Variants in ASPH observed in about 807,000 individuals in gnomAD.
ASPH encodes aspartate beta-hydroxylase, also known as aspartyl/asparaginyl beta-hydroxylase.
A neutral mutation model predicts 118.4 loss-of-function variants in ASPH; 100 were observed. The ratio of observed to expected loss-of-function variants is 0.84; its 90% CI spans 0.72 to 1.00. The LOEUF (loss-of-function observed/expected upper bound fraction) is 1.00, where lower values mean the gene tolerates loss of function less well. Ranked by LOEUF, ASPH falls within the 50% of genes least tolerant of loss-of-function variation. The probability of loss-of-function intolerance (pLI) is 0.00; values close to 1 mark genes in which losing one functional copy is unlikely to be tolerated. For missense variants in ASPH, 920 were observed against 919.5 expected (o/e 1.00, Z -0.01); for synonymous variants, 315 against 325.6 (o/e 0.97, Z 0.35).
rs1242040137 is a variant in ASPH at position 61,529,225 on chromosome 8, T to C, written c.1765-3113A>G. Among the ~76,000 whole-genome samples, 4 of 152,282 alleles carry C rather than the reference T, an allele frequency of 2.6e-5. No individual in the cohort carries two copies. The East Asian group carries it at 5.8e-4, about 22-fold the overall frequency. Reference sequence around the variant, plus strand: ...TAGGCACAGGGATTTCAGGCTGCAGTGGACTCAAGGGGCCCTGCTCCCCTC... The same window carrying C: ...TAGGCACAGGGATTTCAGGCTGCAGCGGACTCAAGGGGCCCTGCTCCCCTC... On this transcript the variant is annotated intron_variant, in intron 21 of 24. Coordinates refer to ENST00000379454, the MANE Select transcript of ASPH (RefSeq NM_004318.4).
intron 21 of ASPH, among the ~76,000 whole-genome samples, chr8:61,540,069 A>G (rs952807247): frequency 1.3e-5 from 2 of 152,180 alleles, no homozygotes; most frequent in Non-Finnish European, 2.9e-5. Flanking sequence ...ACTCAATTTT[A>G]AGGAAAATAA....
chr8:61,670,234 A>AT (rs869239541), intron 3 of ASPH, among the ~76,000 whole-genome samples: 1 of 151,438 alleles, frequency 6.6e-6, no homozygotes, highest in Non-Finnish European at 1.5e-5. Flanking sequence ...AGAAAAAAAA[A>AT]TTTTTTTTTG....
At chr8:61,646,072 C>G (rs1419721765) in intron 6 of ASPH, among the ~76,000 whole-genome samples, 1 of 152,146 alleles carries the variant, frequency 6.6e-6, no homozygotes, top group Non-Finnish European at 1.5e-5. Context: ...GTGGTTCCAG[C>G]TACTTGAGAG....
chr8:61,682,385 T>G, intron 2 of ASPH: 153 of 1,524,306 alleles, frequency 1.0e-4, no homozygotes, highest in Middle Eastern at 1.7e-4. Context: ...AGAAAAAGGA[T>G]GAGCCATTAG....
chr8:61,687,950 C>CT (rs924417876), intron 1 of ASPH, among the ~76,000 whole-genome samples: 1 of 152,048 alleles, frequency 6.6e-6, no homozygotes, highest in Non-Finnish European at 1.5e-5. Context: ...GGAAGGGATT[C>CT]TTTTTTAAGA....
intron 1 of ASPH, among the ~76,000 whole-genome samples, chr8:61,702,445 C>T (rs765575644): frequency 9.2e-5 from 14 of 152,108 alleles, no homozygotes; most frequent in Admixed American, 6.5e-4. Context: ...CCACCACACC[C>T]GGCTAATTTT....
intron 24 of ASPH, among the ~76,000 whole-genome samples, chr8:61,505,363 C>T (rs932978228): frequency 3.3e-5 from 5 of 151,962 alleles, no homozygotes; most frequent in African/African-American, 9.7e-5. Flanking sequence ...GGCGTGGTAG[C>T]GCATGCCTGT....
intron 3 of ASPH, among the ~76,000 whole-genome samples, chr8:61,679,723 T>C (rs903181939): frequency 2.0e-5 from 3 of 151,880 alleles, no homozygotes; most frequent in Non-Finnish European, 4.4e-5. Flanking sequence ...AAACCATTTA[T>C]AGGCAAGCAA....
chr8:61,577,556 C>T (rs1342053293), intron 15 of ASPH, among the ~76,000 whole-genome samples: 1 of 152,020 alleles, frequency 6.6e-6, no homozygotes, highest in East Asian at 1.9e-4. Flanking sequence ...TAAAAAATAC[C>T]TGAGACTGGA....
chr8:61,713,810 C>G (rs112870028), intron 1 of ASPH, among the ~76,000 whole-genome samples: 7,332 of 152,306 alleles, frequency 0.048, 251 homozygotes, highest in African/African-American at 0.095. Flanking sequence ...CCCCTGCCCC[C>G]CGGCGCCCCC....
intron 14 of ASPH, among the ~76,000 whole-genome samples, chr8:61,605,439 T>C (rs1307600527): frequency 2.6e-5 from 4 of 152,216 alleles, no homozygotes; most frequent in East Asian, 1.9e-4. Flanking sequence ...ATTATCTCCA[T>C]GTTTTATACA....
Position 61,643,482 on chromosome 8 carries a change from T to C in ASPH, c.710-49A>G, listed in dbSNP as rs768414131. 41 of 1,532,700 alleles carry C rather than the reference T, an allele frequency of 2.7e-5. No individual in the cohort carries two copies. In the Middle Eastern group the frequency reaches 6.8e-4, roughly 25 times the overall value. The allele number at this position is 1,532,700 out of a possible 1,614,324, so 94.9% of individuals were successfully genotyped here. A position where few individuals can be genotyped will look rare whatever the true frequency, so the allele number is the denominator to read the frequency against. On this transcript the variant is annotated intron_variant, in intron 8 of 24. Transcript: ENST00000379454. ...GCCAAACAGGAAAAAACCAAACACATTGCCAGACAGCATTCTAGGAGATTC... is the reference window on the plus strand; with the variant it reads ...GCCAAACAGGAAAAAACCAAACACACTGCCAGACAGCATTCTAGGAGATTC...
intron 5 of ASPH, 108 bp from the exon 6 acceptor site, chr8:61,646,986 T>C: frequency 7.0e-7 from 1 of 1,438,612 alleles, no homozygotes; most frequent in South Asian, 1.2e-5. Context: ...CCCCTGCCCC[T>C]CCTTTCGGCC....
chr8:61,700,696 T>C (rs548990812), intron 1 of ASPH, among the ~76,000 whole-genome samples: 26 of 152,228 alleles, frequency 1.7e-4, no homozygotes, highest in South Asian at 4.1e-4. Context: ...TGTTTTACTA[T>C]GAAAATTTGC....
intron 3 of ASPH, chr8:61,675,772 G>T: frequency 8.7e-7 from 1 of 1,146,784 alleles, no homozygotes; most frequent in African/African-American, 1.6e-5. Flanking sequence ...TTAGTTCAGT[G>T]AATACATGAG....
chr8:61,541,375 A>C (rs1010266337), intron 21 of ASPH, among the ~76,000 whole-genome samples: 5 of 152,086 alleles, frequency 3.3e-5, no homozygotes, highest in African/African-American at 7.2e-5. Context: ...AAAAAAAGGG[A>C]AATGCCCTAT....
At chr8:61,671,101 A>T (rs1001226224) in intron 3 of ASPH, among the ~76,000 whole-genome samples, 3 of 152,162 alleles carry the variant, frequency 2.0e-5, no homozygotes, top group Admixed American at 1.3e-4. Context: ...AAGATTAGTG[A>T]CAGCACGTAG....
intron 21 of ASPH, among the ~76,000 whole-genome samples, chr8:61,539,576 T>C (rs1820942286): frequency 6.6e-6 from 1 of 152,000 alleles, no homozygotes; most frequent in Non-Finnish European, 1.5e-5. Flanking sequence ...TGCTGATCAG[T>C]TTCAGGTGTT....
intron 14 of ASPH, among the ~76,000 whole-genome samples, chr8:61,604,113 AT>A (rs973362014): frequency 6.6e-6 from 1 of 152,204 alleles, no homozygotes; most frequent in African/African-American, 2.4e-5. Context: ...ATTCTGAGGA[AT>A]TTTGACTTTG....
Sources: gnomAD v4.1 joint callset for allele counts (sites outside exome capture counted in the v4.1 genomes callset) on GRCh38, gnomAD v4.1.1 for gene constraint, MANE v1.5 for transcripts, NCBI Gene and HGNC (gene_info 2026-07-23, HGNC 2026-07-21) for gene names.